The following CDH22 variants were observed in gnomAD, a reference collection of about 807,000 sequenced individuals.
CDH22 encodes cadherin-22.
Under a neutral mutation model 58.4 loss-of-function variants are expected in CDH22, and 30 were observed. The ratio of observed to expected loss-of-function variants is 0.51; its 90% confidence interval spans 0.38 to 0.70. CDH22 has a LOEUF of 0.70. Ranked by LOEUF, CDH22 falls within the 30% of genes least tolerant of loss-of-function variation. CDH22 has a pLI of 0.00. For synonymous variants in CDH22, 513 were observed against 558.2 expected (o/e 0.92, Z 1.14); for missense variants, 1,014 against 1,233.9 (o/e 0.82, Z 2.67).
Position 46,196,582 on chromosome 20 carries a change from C to G in CDH22, c.1423+2841G>C, listed in dbSNP as rs556468792. 3.9e-3 allele frequency among the ~76,000 whole-genome samples: 599 copies of G among 152,250 alleles called. 8 individuals are homozygous for G. Among genetic ancestry groups the G allele is most frequent in the African/African-American group, 0.014 (581 of 41,546 alleles). Reference sequence around the variant, plus strand: ...AGCCACTGTGCCTGGCCTGTGAGAGCTCTTGATTTTGTGCCAGCACCAGGG... The same window carrying G: ...AGCCACTGTGCCTGGCCTGTGAGAGGTCTTGATTTTGTGCCAGCACCAGGG... On this transcript the variant is annotated intron_variant, in intron 8 of 11. Transcript: ENST00000537909.
intron 8 of CDH22, 112 bp from the exon 9 acceptor site, chr20:46,187,059 G>A (rs2085831852): frequency 8.4e-7 from 1 of 1,189,004 alleles, no homozygotes; most frequent in African/African-American, 1.5e-5. Context: ...AGAAATTTGT[G>A]GGTTAACCAA....
intron 1 of CDH22, among the ~76,000 whole-genome samples, chr20:46,297,270 C>G (rs2086632950): frequency 6.6e-6 from 1 of 151,926 alleles, no homozygotes; most frequent in African/African-American, 2.4e-5. Context: ...AATGCAGGCT[C>G]AGAGAGGAGA....
At chr20:46,302,458 G>A (rs998516144) in intron 1 of CDH22, among the ~76,000 whole-genome samples, 1 of 152,186 alleles carries the variant, frequency 6.6e-6, no homozygotes, top group Non-Finnish European at 1.5e-5. Flanking sequence ...CTAATGTGCT[G>A]CAGATGACAC....
chr20:46,287,616 G>T (rs1000026411), intron 1 of CDH22, among the ~76,000 whole-genome samples: 1 of 151,806 alleles, frequency 6.6e-6, no homozygotes, highest in Non-Finnish European at 1.5e-5. Context: ...GGGGAAGAAG[G>T]CCGAGATGAG....
chr20:46,284,872 G>A (rs966826434), intron 1 of CDH22, among the ~76,000 whole-genome samples: 3 of 152,176 alleles, frequency 2.0e-5, no homozygotes, highest in Admixed American at 6.5e-5. Context: ...GCTTTACTAG[G>A]TGGGAAAATG....
intron 4 of CDH22, among the ~76,000 whole-genome samples, chr20:46,221,280 C>CTTTTTTTTTT (rs67025636): frequency 8.2e-6 from 1 of 122,630 alleles, no homozygotes; most frequent in African/African-American, 3.0e-5. Flanking sequence ...TTTTTTTTTT[C>CTTTTTTTTTT]TTTTTTTTTT....
chr20:46,297,541 T>C (rs1444111938), intron 1 of CDH22, among the ~76,000 whole-genome samples: 1 of 150,288 alleles, frequency 6.7e-6, no homozygotes, highest in Non-Finnish European at 1.5e-5. Flanking sequence ...CACAAGGAGA[T>C]GGGGACTCCA....
intron 1 of CDH22, among the ~76,000 whole-genome samples, chr20:46,259,541 C>CA: frequency 6.6e-6 from 1 of 152,128 alleles, no homozygotes. Context: ...TAAACCCAAA[C>CA]AAAAAAATCC....
At chr20:46,239,733 A>C (rs1221127512) in intron 3 of CDH22, among the ~76,000 whole-genome samples, 1 of 152,244 alleles carries the variant, frequency 6.6e-6, no homozygotes, top group Non-Finnish European at 1.5e-5. Flanking sequence ...TACTTGGAGT[A>C]ACGTGGTAGG....
chr20:46,175,937 A>C (rs936149153), intron 11 of CDH22, among the ~76,000 whole-genome samples: 2 of 152,238 alleles, frequency 1.3e-5, no homozygotes, highest in African/African-American at 4.8e-5. Context: ...GGTGCCTGGC[A>C]TGCAGTAAGC....
intron 3 of CDH22, among the ~76,000 whole-genome samples, chr20:46,228,031 G>A (rs1053442728): frequency 1.3e-5 from 2 of 152,156 alleles, no homozygotes; most frequent in African/African-American, 4.8e-5. Flanking sequence ...CAATGATGGC[G>A]ACAATCATTA....
Position 46,191,065 on chromosome 20 carries a change from A to G in CDH22, c.1424-4118T>C, listed in dbSNP as rs112574242. On this transcript the variant is annotated intron_variant, in intron 8 of 11. Coordinates refer to ENST00000537909, the MANE Select transcript of CDH22 (RefSeq NM_021248.3). Reference sequence around the variant, plus strand: ...AGGACTCAGCAGTGAACAAGACAGCATGGTCTCGTTCTAGTGGCAGGTACA... The same window carrying G: ...AGGACTCAGCAGTGAACAAGACAGCGTGGTCTCGTTCTAGTGGCAGGTACA... Among the ~76,000 whole-genome samples, 386 of 152,266 alleles carry G rather than the reference A, an allele frequency of 2.5e-3. 2 individuals carry two copies. The highest frequency in any genetic ancestry group is 9.0e-3 in the African/African-American group (374 of 41,562).
intron 1 of CDH22, among the ~76,000 whole-genome samples, chr20:46,269,409 A>G (rs2086476879): frequency 1.3e-5 from 2 of 152,252 alleles, no homozygotes; most frequent in Non-Finnish European, 2.9e-5. Context: ...CAATAAAATA[A>G]TAAATAGTAC....
At chr20:46,205,380 T>C (rs1432788390) in intron 7 of CDH22, among the ~76,000 whole-genome samples, 1 of 152,174 alleles carries the variant, frequency 6.6e-6, no homozygotes, top group Non-Finnish European at 1.5e-5. Context: ...CATACTATTA[T>C]GATGTCTATT....
intron 2 of CDH22, among the ~76,000 whole-genome samples, chr20:46,245,989 T>C (rs901729827): frequency 5.9e-5 from 9 of 152,166 alleles, no homozygotes; most frequent in African/African-American, 2.2e-4. Context: ...TGGCCAGCCC[T>C]GGAGGAGAAA....
At chr20:46,277,143 A>AG (rs1055859102) in intron 1 of CDH22, among the ~76,000 whole-genome samples, 4 of 132,638 alleles carry the variant, frequency 3.0e-5, no homozygotes, top group Admixed American at 7.6e-5. Context: ...CCACCTCTAA[A>AG]GAAAAAAAAA....
intron 1 of CDH22, among the ~76,000 whole-genome samples, chr20:46,270,140 C>T (rs528576646): frequency 2.8e-4 from 43 of 152,018 alleles, no homozygotes; most frequent in Non-Finnish European, 5.4e-4. Context: ...TTCAGAGAGC[C>T]TAGGGGAAGA....
intron 4 of CDH22, among the ~76,000 whole-genome samples, chr20:46,225,123 G>A (rs1175731636): frequency 3.3e-5 from 5 of 152,240 alleles, no homozygotes; most frequent in Admixed American, 2.0e-4. Flanking sequence ...ACTCTCACAC[G>A]TGGCTCACGG....
chr20:46,226,973 G>A (rs1404956457), intron 4 of CDH22, among the ~76,000 whole-genome samples: 1 of 152,212 alleles, frequency 6.6e-6, no homozygotes, highest in East Asian at 1.9e-4. Flanking sequence ...GTTTGGTGGT[G>A]TTGAGGGGAT....
Sources: allele counts gnomAD v4.1 joint callset (sites outside exome capture counted in the v4.1 genomes callset), GRCh38; gene constraint gnomAD v4.1.1; transcripts MANE v1.5; gene names NCBI Gene and HGNC (gene_info 2026-07-23, HGNC 2026-07-21).